The following GK5 variants were observed in gnomAD, a reference collection of about 807,000 sequenced individuals.
GK5 encodes glycerol kinase 5.
In GK5, 39 loss-of-function variants were observed where a neutral mutation model predicts 77.3. That is an observed-to-expected ratio of 0.50 (90% CI 0.39 to 0.66). The LOEUF is 0.66. Among genes scored for constraint, GK5 ranks in the 30% least tolerant of loss-of-function variants. The pLI, the probability that GK5 is intolerant of heterozygous loss-of-function variation, is 0.00. For synonymous variants in GK5, 211 were observed against 208.0 expected (o/e 1.01, Z -0.13); for missense variants, 487 against 633.8 (o/e 0.77, Z 2.49).
intron 1 of GK5, among the ~76,000 whole-genome samples, chr3:142,220,461 G>C (rs2064327493): frequency 6.6e-6 from 1 of 152,184 alleles, no homozygotes; most frequent in Non-Finnish European, 1.5e-5. Context: ...CGAACAGTGA[G>C]TGGGCAGATG....
Position 142,225,400 on chromosome 3 carries a change from C to G in GK5, c.56G>C (p.Gly19Ala). Residue 19 changes from glycine to alanine, a missense_variant, in exon 1 of 16, where the codon GGC becomes GCC. Gly to Ala is a moderately conservative substitution (Grantham distance 60). This residue lies in a region of GK5 where 97 missense variants were observed against 86.9 expected (regional missense o/e 1.12). Transcript: ENST00000392993. ...GCCCACATCCAGCCCCAGCACGAAG[C>G]CGGGGTACCGCGGCTCCTGCGCTCT... ...EQRAQEPRYP[G>A]FVLGLDVGSS... is the part of the protein sequence containing the mutation. 1 of 1,599,382 alleles carries G rather than the reference C, an allele frequency of 6.3e-7. No individual in the cohort carries two copies. Among genetic ancestry groups the G allele is most frequent in the Non-Finnish European group, 8.5e-7 (1 of 1,175,208 alleles).
At chr3:142,207,226 GA>G (rs1443110788) in intron 3 of GK5, among the ~76,000 whole-genome samples, 3 of 152,324 alleles carry the variant, frequency 2.0e-5, no homozygotes, top group African/African-American at 7.2e-5. Context: ...ACGGACGCAT[GA>G]GGGGGGTGCC....
chr3:142,205,445 A>G (rs1373480534), intron 3 of GK5, among the ~76,000 whole-genome samples: 2 of 152,222 alleles, frequency 1.3e-5, no homozygotes, highest in Non-Finnish European at 2.9e-5. Flanking sequence ...TTCAATTGCT[A>G]AGATTCATTC....
chr3:142,195,605 G>T (rs2063923264), intron 5 of GK5, among the ~76,000 whole-genome samples: 1 of 152,210 alleles, frequency 6.6e-6, no homozygotes. Flanking sequence ...TCTTGCCTTA[G>T]ACTCCCAAAG....
At chr3:142,221,053 G>T (rs2064340133) in intron 1 of GK5, among the ~76,000 whole-genome samples, 1 of 152,114 alleles carries the variant, frequency 6.6e-6, no homozygotes, top group African/African-American at 2.4e-5. Flanking sequence ...AAAAAATGCA[G>T]ATAACCAATC....
At chr3:142,211,261 C>T (rs1247333626) in intron 3 of GK5, among the ~76,000 whole-genome samples, 1 of 152,148 alleles carries the variant, frequency 6.6e-6, no homozygotes, top group Non-Finnish European at 1.5e-5. Flanking sequence ...GCTGCAACAC[C>T]ACAGGACGGT....
In GK5 at chr3:142,158,976, A is replaced by C. The variant is rs1286225716; in HGVS notation, c.*6646T>G. On this transcript the variant is annotated 3_prime_UTR_variant, in exon 16 of 16. Transcript: ENST00000392993. The stretch of plus-strand genomic sequence containing the variant: ...AAAATGCTATACACATTTTGCCTGG[A>C]AAGATTTAAAAAATCCCACATAATC... The C allele has an allele frequency of 6.6e-6, 1 of 152,214 alleles. No individual in the cohort carries two copies. The highest frequency in any genetic ancestry group is 6.5e-5 in the Admixed American group (1 of 15,280). 9.4% of individuals were successfully genotyped at this position (152,214 alleles called of 1,614,324 possible).
At chr3:142,202,419 T>C (rs1257154208) in intron 4 of GK5, among the ~76,000 whole-genome samples, 2 of 152,164 alleles carry the variant, frequency 1.3e-5, no homozygotes. Flanking sequence ...AAAAACACTC[T>C]AAACATTTCC....
intron 4 of GK5, among the ~76,000 whole-genome samples, chr3:142,200,104 C>T (rs1031063827): frequency 3.3e-5 from 5 of 151,712 alleles, no homozygotes; most frequent in African/African-American, 9.7e-5. Context: ...TATATACACA[C>T]ACACACACAC....
At position 142,158,684 on chromosome 3, in the gene GK5, C is replaced by T; in HGVS notation, c.*6938G>A. On this transcript the variant is annotated 3_prime_UTR_variant, in exon 16 of 16. Transcript: ENST00000392993. ...TTTACTGAGGCATACAAATTGGAAT[C>T]TACATTTACCATCTTGTACAAATAG... 6.6e-6 allele frequency: 1 copy of T among 152,556 alleles called. No individual in the cohort carries two copies. Among genetic ancestry groups the T allele is most frequent in the East Asian group, 1.9e-4 (1 of 5,202 alleles). 9.5% of individuals were successfully genotyped at this position (152,556 alleles called of 1,614,324 possible).
At chr3:142,209,678 C>T (rs1385276939) in intron 3 of GK5, among the ~76,000 whole-genome samples, 1 of 151,854 alleles carries the variant, frequency 6.6e-6, no homozygotes, top group Non-Finnish European at 1.5e-5. Context: ...TCAAATACTA[C>T]AATAAAAATC....
At position 142,165,619 on chromosome 3, in the gene GK5, G is replaced by C. The variant is rs765093425; in HGVS notation, c.*3C>G. ...CCTATGGTTTTGATCATTTCATTTAGTGTTATGTCTTGTTATACCAATTCA... is the reference window on the plus strand; with the variant it reads ...CCTATGGTTTTGATCATTTCATTTACTGTTATGTCTTGTTATACCAATTCA... On this transcript the variant is annotated 3_prime_UTR_variant, in exon 16 of 16. Coordinates refer to ENST00000392993, the MANE Select transcript of GK5 (RefSeq NM_001039547.3). 6.2e-6 allele frequency: 10 copies of C among 1,604,280 alleles called. No homozygotes were observed. Among genetic ancestry groups the C allele is most frequent in the Non-Finnish European group, 7.7e-6 (9 of 1,176,336 alleles).
intron 1 of GK5, 149 bp downstream of exon 1, chr3:142,225,160 C>A (rs1372232213): frequency 1.8e-5 from 14 of 786,062 alleles, no homozygotes; most frequent in South Asian, 4.4e-5. Flanking sequence ...CCGGTCTGGG[C>A]GCGCCGTTCT....
chr3:142,217,973 A>G (rs370739406), intron 1 of GK5, among the ~76,000 whole-genome samples: 59 of 152,038 alleles, frequency 3.9e-4, no homozygotes, highest in African/African-American at 1.4e-3. Context: ...AAAAGAATAA[A>G]GTCAGAGAGG....
At chr3:142,200,108 C>G (rs1221894431) in intron 4 of GK5, among the ~76,000 whole-genome samples, 1 of 151,844 alleles carries the variant, frequency 6.6e-6, no homozygotes, top group Non-Finnish European at 1.5e-5. Context: ...TACACACACA[C>G]ACACACACAC....
intron 5 of GK5, among the ~76,000 whole-genome samples, chr3:142,191,538 T>C (rs1220798385): frequency 2.0e-5 from 3 of 151,504 alleles, no homozygotes; most frequent in African/African-American, 7.3e-5. Flanking sequence ...TCTATCTCTA[T>C]TAAAAGTGAA....
At chr3:142,207,364 C>T (rs1394804659) in intron 3 of GK5, among the ~76,000 whole-genome samples, 1 of 152,190 alleles carries the variant, frequency 6.6e-6, no homozygotes, top group East Asian at 1.9e-4. Flanking sequence ...GCTTCACGTC[C>T]TGTTTCCATG....
intron 12 of GK5, chr3:142,172,980 A>T (rs1464409471): frequency 4.5e-6 from 1 of 223,128 alleles, no homozygotes; most frequent in African/African-American, 2.3e-5. Context: ...AGGAGGGAGG[A>T]TTGCTTCAGC....
rs1317299146 is a variant in GK5, at chr3:142,225,337, G to A, written c.119C>T (p.Ala40Val). 1.9e-6 allele frequency: 3 copies of A among 1,555,632 alleles called. No individual in the cohort carries two copies. The highest frequency in any genetic ancestry group is 2.4e-5 in the East Asian group (1 of 41,198). Residue 40 changes from alanine to valine, a missense_variant, in exon 1 of 16, where the codon GCG becomes GTG. Physicochemically the swap from Ala to Val is moderately conservative, Grantham distance 64. Around this residue, in one of 4 missense-constraint regions of GK5, gnomAD observed 97 missense variants for 86.9 expected, o/e 1.12. Coordinates refer to ENST00000392993, the MANE Select transcript of GK5 (RefSeq NM_001039547.3). ...VIRCHVYDRA[A>V]RVCGSSVQKV... ...CTGCACGCTGGAGCCGCAGACCCGCGCCGCCCGGTCATAGACGTGGCAGCG... is the reference window on the plus strand; with the variant it reads ...CTGCACGCTGGAGCCGCAGACCCGCACCGCCCGGTCATAGACGTGGCAGCG...
Sources: gnomAD v4.1 joint callset for allele counts (sites outside exome capture counted in the v4.1 genomes callset) on GRCh38, gnomAD v4.1.1 for gene constraint, gnomAD v4.1.1 regional missense constraint, MANE v1.5 for transcripts, NCBI Gene and HGNC (gene_info 2026-07-23, HGNC 2026-07-21) for gene names.